The following INO80D variants were observed in gnomAD, a reference collection of about 807,000 sequenced individuals.
INO80D encodes the protein INO80 complex subunit D.
Under a neutral mutation model 87.6 loss-of-function variants are expected in INO80D, and 21 were observed. The observed-to-expected ratio is 0.24, with a 90% confidence interval of 0.17 to 0.35. The LOEUF (loss-of-function observed/expected upper bound fraction) is 0.35. Ranked by LOEUF, INO80D falls within the 10% of genes least tolerant of loss-of-function variation. The pLI is 1.00. For missense variants in INO80D, 982 were observed against 1,280.7 expected, an observed-to-expected ratio of 0.77 and a Z score of 3.56; for synonymous variants, 440 against 491.0, an observed-to-expected ratio of 0.90 and a Z score of 1.37.
intron 7 of INO80D, among the ~76,000 whole-genome samples, chr2:206,018,508 G>T (rs1201412579): frequency 6.6e-6 from 1 of 151,996 alleles, no homozygotes; most frequent in Non-Finnish European, 1.5e-5. Flanking sequence ...TACTTACCAA[G>T]AATAAAAATT....
At chr2:206,058,638 G>A (rs1689598144) in intron 3 of INO80D, among the ~76,000 whole-genome samples, 2 of 151,982 alleles carry the variant, frequency 1.3e-5, no homozygotes. Flanking sequence ...AGGAGGCTGA[G>A]GTACAAGAAT....
chr2:206,034,735 C>T (rs1331816981), intron 5 of INO80D, among the ~76,000 whole-genome samples: 1 of 152,092 alleles, frequency 6.6e-6, no homozygotes, highest in East Asian at 1.9e-4. Context: ...TACTGGAAGT[C>T]CTAGCCAGAG....
intron 6 of INO80D, 32 bp downstream of exon 6, chr2:206,028,079 G>T: frequency 7.0e-7 from 1 of 1,418,950 alleles, no homozygotes; most frequent in East Asian, 2.5e-5. Flanking sequence ...ACTGAGATGA[G>T]TCCCTTAAGA....
intron 1 of INO80D, chr2:206,063,711 AG>A (rs1689745026): frequency 6.6e-6 from 1 of 152,246 alleles, no homozygotes; most frequent in Admixed American, 6.6e-5. Context: ...ACAAAAAAAA[AG>A]TAAGTTACCT....
intron 2 of INO80D, 30 bp downstream of exon 2, chr2:206,063,121 A>G: frequency 1.3e-6 from 1 of 776,064 alleles, no homozygotes; most frequent in Non-Finnish European, 2.1e-6. Context: ...TGAGAATTTC[A>G]CTGAGGGACT....
rs1687939034 is a variant in INO80D, at chr2:206,003,380, C to T, written c.*988G>A. The stretch of plus-strand genomic sequence containing the variant: ...CTGCTTTTTCACATCAAAATATTTT[C>T]TTTAATTACATCTTGCAAATGTATT... On this transcript the variant is annotated 3_prime_UTR_variant, in exon 11 of 11. Transcript: ENST00000403263. 6.6e-6 allele frequency: 1 copy of T among 152,174 alleles called. No homozygotes were observed. Among genetic ancestry groups the T allele is most frequent in the Non-Finnish European group, 1.5e-5 (1 of 68,032 alleles). 9.4% of individuals were successfully genotyped at this position (152,174 alleles called of 1,614,324 possible).
chr2:206,004,963 T>A lies in INO80D; in HGVS notation c.2489A>T (p.Tyr830Phe), dbSNP rs758642567. The A allele has an allele frequency of 6.2e-7, 1 of 1,613,982 alleles. No individual in the cohort carries two copies. Among genetic ancestry groups the A allele is most frequent in the Non-Finnish European group, 8.5e-7 (1 of 1,179,876 alleles). Residue 830 changes from tyrosine (Y) to phenylalanine (F), a missense_variant, in exon 11 of 11, where the codon TAT (tyrosine) becomes TTT (phenylalanine). Coordinates refer to ENST00000403263, the MANE Select transcript of INO80D (RefSeq NM_017759.5). This position sits in a 1 kb window ranked among gnomAD's most constrained non-coding sequence, Gnocchi z 4.9. Reference protein sequence around the residue: ...HSHSSPHGSHYDSEHVPSPYS... With the variant: ...HSHSSPHGSHFDSEHVPSPYS... ...GGGAGACGGCACATGCTCACTATCA[T>A]AATGGCTTCCATGGGGTGAGGAGTG...
At chr2:206,068,072 T>G (rs1689867265) in intron 1 of INO80D, among the ~76,000 whole-genome samples, 1 of 152,190 alleles carries the variant, frequency 6.6e-6, no homozygotes. Flanking sequence ...GTTCCCAACT[T>G]TTGAGGCACT....
At chr2:206,040,082 C>T (rs1394480374) in intron 5 of INO80D, among the ~76,000 whole-genome samples, 5 of 151,608 alleles carry the variant, frequency 3.3e-5, no homozygotes, top group African/African-American at 7.3e-5. Context: ...TACTTGAGGT[C>T]AGGAGTTGAA....
chr2:206,072,308 G>T (rs1356565871), intron 1 of INO80D, among the ~76,000 whole-genome samples: 1 of 151,582 alleles, frequency 6.6e-6, no homozygotes, highest in Non-Finnish European at 1.5e-5. Flanking sequence ...ACAGAGTCTC[G>T]CTCTGTCACC....
At chr2:206,059,604 G>GT in intron 3 of INO80D, among the ~76,000 whole-genome samples, 1 of 152,160 alleles carries the variant, frequency 6.6e-6, no homozygotes, top group Non-Finnish European at 1.5e-5. Flanking sequence ...GTGTGGGTGT[G>GT]TTTTGTTGCT....
At chr2:206,008,266 G>A (rs1688080240) in intron 9 of INO80D, among the ~76,000 whole-genome samples, 1 of 148,792 alleles carries the variant, frequency 6.7e-6, no homozygotes, top group Non-Finnish European at 1.5e-5. Context: ...TTACAGGCAT[G>A]AGCCACCATG....
chr2:206,037,404 G>A (rs2105848737), intron 5 of INO80D, among the ~76,000 whole-genome samples: 1 of 152,204 alleles, frequency 6.6e-6, no homozygotes, highest in East Asian at 1.9e-4. Flanking sequence ...AAAAACAGGA[G>A]AATCAGAAAG....
In INO80D at chr2:206,001,071, T is replaced by A. The variant is rs562872025; in HGVS notation, c.*3297A>T. 9 of 152,226 alleles carry A rather than the reference T, an allele frequency of 5.9e-5. No homozygotes were observed. Among genetic ancestry groups the A allele is most frequent in the Non-Finnish European group, 1.2e-4 (8 of 68,038 alleles). The allele number at this position is 152,226 out of a possible 1,614,324, so 9.4% of individuals were successfully genotyped here. A position where few individuals can be genotyped will look rare whatever the true frequency, so the allele number is the denominator to read the frequency against. On this transcript the variant is annotated 3_prime_UTR_variant, in exon 11 of 11. Coordinates refer to ENST00000403263, the MANE Select transcript of INO80D (RefSeq NM_017759.5). ...ATAGTCTGTCACTTGGTGGGTTAAGTATAATTGCTACTTACTATTGAGTTG... is the reference window on the plus strand; with the variant it reads ...ATAGTCTGTCACTTGGTGGGTTAAGAATAATTGCTACTTACTATTGAGTTG...
chr2:206,076,441 T>C (rs1002954609), intron 1 of INO80D, among the ~76,000 whole-genome samples: 10 of 152,184 alleles, frequency 6.6e-5, no homozygotes, highest in African/African-American at 2.4e-4. Flanking sequence ...ACTATATTGA[T>C]TTTAAGAACC....
chr2:206,052,423 G>C (rs1689398471), intron 4 of INO80D, among the ~76,000 whole-genome samples: 1 of 152,096 alleles, frequency 6.6e-6, no homozygotes, highest in Admixed American at 6.6e-5. Flanking sequence ...TTGAACTCCT[G>C]ATCTCGTGAT....
intron 3 of INO80D, among the ~76,000 whole-genome samples, chr2:206,060,180 G>T (rs1316921133): frequency 6.6e-6 from 1 of 151,722 alleles, no homozygotes; most frequent in African/African-American, 2.4e-5. Context: ...ACTCCAGCCT[G>T]GGCAGCAGAA....
chr2:206,048,330 C>A (rs1220978473), intron 4 of INO80D, among the ~76,000 whole-genome samples: 1 of 152,042 alleles, frequency 6.6e-6, no homozygotes, highest in Non-Finnish European at 1.5e-5. Context: ...ACCTCCCGGG[C>A]TCAAGTGATC....
At position 206,014,198 on chromosome 2, in the gene INO80D, A is replaced by G. The variant is rs527982017; in HGVS notation, c.1542+3482T>C. Among the ~76,000 whole-genome samples the G allele has an allele frequency of 7.0e-4, 107 of 151,864 alleles. 1 individual carries two copies. Among genetic ancestry groups the G allele is most frequent in the African/African-American group, 2.4e-3 (99 of 41,454 alleles). On this transcript the variant is annotated intron_variant, in intron 8 of 10. Coordinates refer to ENST00000403263, the MANE Select transcript of INO80D (RefSeq NM_017759.5). ...AACAACCTATATTTTAAATGTTTTTATATTAAAGTGGGAAAATAATTATTC... is the reference window on the plus strand; with the variant it reads ...AACAACCTATATTTTAAATGTTTTTGTATTAAAGTGGGAAAATAATTATTC...
Sources: allele counts gnomAD v4.1 joint callset (sites outside exome capture counted in the v4.1 genomes callset), GRCh38; gene constraint gnomAD v4.1.1; non-coding constraint Gnocchi (gnomAD v3.1); transcripts MANE v1.5; gene names NCBI Gene and HGNC (gene_info 2026-07-23, HGNC 2026-07-21).